Variants in GTF2IRD1 observed in about 807,000 individuals in gnomAD.
The protein encoded by GTF2IRD1 is GTF2I repeat domain containing 1, also known as general transcription factor II-I repeat domain-containing protein 1.
Under a neutral mutation model 113.2 loss-of-function variants are expected in GTF2IRD1, and 26 were observed. That is an observed-to-expected ratio of 0.23 (90% CI 0.17 to 0.32). The LOEUF is 0.32. GTF2IRD1 is among the 10% of genes least tolerant of loss of function. The pLI, the probability that GTF2IRD1 is intolerant of heterozygous loss-of-function variation, is 1.00. For missense variants in GTF2IRD1, 864 were observed against 1,280.8 expected, an observed-to-expected ratio of 0.67 and a Z score of 4.97; for synonymous variants, 484 against 529.1, an observed-to-expected ratio of 0.91 and a Z score of 1.17.
chr7:74,583,371 C>CTTTTT (rs1168890388), intron 22 of GTF2IRD1, among the ~76,000 whole-genome samples: 74 of 122,284 alleles, frequency 6.1e-4, no homozygotes, highest in African/African-American at 1.4e-3. Flanking sequence ...CTTTTTTTTT[C>CTTTTT]TTTTTTTTTT....
At chr7:74,462,337 C>T (rs1357093709) in intron 1 of GTF2IRD1, among the ~76,000 whole-genome samples, 5 of 152,286 alleles carry the variant, frequency 3.3e-5, no homozygotes, top group Middle Eastern at 3.4e-3. Flanking sequence ...TTTTGAAGCC[C>T]GTTTGTTCAT....
At chr7:74,596,211 C>T (rs1802400393) in intron 25 of GTF2IRD1, among the ~76,000 whole-genome samples, 2 of 152,024 alleles carry the variant, frequency 1.3e-5, no homozygotes, top group African/African-American at 4.8e-5. Context: ...CGTGTAATCC[C>T]AGCACTTTGG....
intron 19 of GTF2IRD1, among the ~76,000 whole-genome samples, chr7:74,556,563 C>T (rs1383054665): frequency 6.7e-6 from 1 of 149,778 alleles, no homozygotes; most frequent in Admixed American, 6.7e-5. Context: ...CTCAGATGAT[C>T]TGCCCACCTC....
Position 74,538,716 on chromosome 7 carries a change from A to G in GTF2IRD1, c.1484A>G (p.Lys495Arg), listed in dbSNP as rs1583829992. 2 of 1,608,418 alleles carry G rather than the reference A, an allele frequency of 1.2e-6. No homozygotes were observed. Among genetic ancestry groups the G allele is most frequent in the Non-Finnish European group, 8.5e-7 (1 of 1,174,790 alleles). The stretch of plus-strand genomic sequence containing the variant: ...GAGCTGGGCGGGCTGAGGCCGATCA[A>G]AATTGAGCCAGAGGATCTGGACATC... ...SGELGGLRPI[K>R]IEPEDLDIIQ... The change falls in exon 13 of 27, where the codon AAA (lysine) becomes AGA (arginine). Residue 495 changes from lysine (K) to arginine (R), a missense_variant. Physicochemically the swap from Lys to Arg is conservative, Grantham distance 26 (BLOSUM62 2). Transcript: ENST00000424337.
intron 22 of GTF2IRD1, among the ~76,000 whole-genome samples, chr7:74,581,403 T>G (rs1364654065): frequency 6.6e-6 from 1 of 152,218 alleles, no homozygotes. Flanking sequence ...AGCTGGGATT[T>G]GAACCCAGGC....
At chr7:74,508,275 A>G (rs1584551238) in intron 2 of GTF2IRD1, 72 bp downstream of exon 2, 1 of 1,516,662 alleles carries the variant, frequency 6.6e-7, no homozygotes, top group African/African-American at 1.4e-5. Flanking sequence ...CTCAAGTCCT[A>G]CCTCAGCTAC....
intron 22 of GTF2IRD1, among the ~76,000 whole-genome samples, chr7:74,582,967 C>A (rs1583952984): frequency 6.6e-6 from 1 of 151,314 alleles, no homozygotes; most frequent in East Asian, 2.0e-4. Context: ...GACAGCAAGA[C>A]CCTGTCTCTA....
intron 1 of GTF2IRD1, among the ~76,000 whole-genome samples, chr7:74,493,091 A>G (rs1584513196): frequency 6.7e-6 from 1 of 149,762 alleles, no homozygotes; most frequent in South Asian, 2.1e-4. Context: ...TGTGCCTGGC[A>G]TGACCTCTTC....
chr7:74,518,095 C>T (rs1164527134), intron 4 of GTF2IRD1, 44 bp from the exon 5 acceptor site: 2 of 1,366,988 alleles, frequency 1.5e-6, no homozygotes, highest in African/African-American at 2.9e-5. Context: ...CCCAGCCTGG[C>T]TGCCCTCTCA....
intron 22 of GTF2IRD1, among the ~76,000 whole-genome samples, chr7:74,574,287 C>T (rs1800875412): frequency 6.6e-6 from 1 of 150,614 alleles, no homozygotes; most frequent in Non-Finnish European, 1.5e-5. Context: ...CTGGTGTGAG[C>T]CACTGAGCCC....
chr7:74,496,574 G>A (rs1473661637), intron 1 of GTF2IRD1, among the ~76,000 whole-genome samples: 12 of 83,420 alleles, frequency 1.4e-4, no homozygotes, highest in African/African-American at 6.6e-4. Flanking sequence ...ACATGTGTGG[G>A]TGTGCATGTG....
intron 2 of GTF2IRD1, among the ~76,000 whole-genome samples, chr7:74,511,747 A>G (rs1796645616): frequency 6.6e-6 from 1 of 152,182 alleles, no homozygotes; most frequent in Non-Finnish European, 1.5e-5. Context: ...AGCTGCCAGC[A>G]CTACCTGACT....
At position 74,555,401 on chromosome 7, in the gene GTF2IRD1, T is replaced by C. The variant is rs1554356465; in HGVS notation, c.1967-37T>C. On this transcript the variant is annotated intron_variant, in intron 18 of 26. Transcript: ENST00000424337. This position sits in a 1 kb window ranked among gnomAD's most constrained non-coding sequence, Gnocchi z 5.3. ...GCCATCTTGGGTCCCAGGAACTGCC[T>C]CCTCACTTGGCTTCTCTCCCCCTGC... The C allele has an allele frequency of 6.2e-7, 1 of 1,612,340 alleles. No homozygotes were observed. Among genetic ancestry groups the C allele is most frequent in the Non-Finnish European group, 8.5e-7 (1 of 1,178,488 alleles).
chr7:74,523,752 T>C (rs1384466883), intron 7 of GTF2IRD1, among the ~76,000 whole-genome samples: 2 of 152,028 alleles, frequency 1.3e-5, no homozygotes, highest in Non-Finnish European at 2.9e-5. Flanking sequence ...ACTCGACCTC[T>C]TTTTCTGCTG....
chr7:74,533,133 A>AT (rs56894912), intron 9 of GTF2IRD1, among the ~76,000 whole-genome samples: 4,542 of 112,254 alleles, frequency 0.04, 187 homozygotes, highest in African/African-American at 0.095. Flanking sequence ...TCCATGCATC[A>AT]TTTTTTTTTT....
chr7:74,493,040 C>G (rs1424518388), intron 1 of GTF2IRD1, among the ~76,000 whole-genome samples: 1 of 152,008 alleles, frequency 6.6e-6, no homozygotes, highest in Non-Finnish European at 1.5e-5. Context: ...GATCCTGCTG[C>G]CTTGGCCTCC....
chr7:74,471,662 T>C (rs1422741749), intron 1 of GTF2IRD1, among the ~76,000 whole-genome samples: 1 of 137,358 alleles, frequency 7.3e-6, no homozygotes, highest in Admixed American at 8.0e-5. Context: ...CTCTATCTTT[T>C]TGAAATATTT....
intron 16 of GTF2IRD1, among the ~76,000 whole-genome samples, chr7:74,546,346 C>T (rs587621480): frequency 6.6e-6 from 1 of 151,742 alleles, no homozygotes; most frequent in African/African-American, 2.4e-5. Context: ...CTCACCCTCC[C>T]GAGTAGCTGG....
At chr7:74,568,738 CCTT>C (rs1472552616) in intron 22 of GTF2IRD1, among the ~76,000 whole-genome samples, 7 of 152,092 alleles carry the variant, frequency 4.6e-5, no homozygotes, top group Non-Finnish European at 1.0e-4. Flanking sequence ...TCTGCCTGCT[CCTT>C]CTCTCAGGGA....
Sources: gnomAD v4.1 joint callset for allele counts (sites outside exome capture counted in the v4.1 genomes callset) on GRCh38, gnomAD v4.1.1 for gene constraint, Gnocchi (gnomAD v3.1) non-coding constraint, MANE v1.5 for transcripts, NCBI Gene and HGNC (gene_info 2026-07-23, HGNC 2026-07-21) for gene names.